ZNF99: variants seen among roughly 807,000 people sequenced by gnomAD.
The protein encoded by ZNF99 is zinc finger protein ENSP00000375192.
In ZNF99, 8 loss-of-function variants were observed where a neutral mutation model predicts 12.8. The observed-to-expected ratio is 0.62, with a 90% CI of 0.37 to 1.13. The LOEUF is 1.13. Ranked by LOEUF, ZNF99 falls within the 50% of genes most tolerant of loss-of-function variation. The probability of loss-of-function intolerance (pLI) is 0.02; values close to 1 mark genes in which losing one functional copy is unlikely to be tolerated. For synonymous variants in ZNF99, 318 were observed against 319.0 expected (o/e 1.00, Z 0.03); for missense variants, 1,007 against 1,006.2 (o/e 1.00, Z -0.01).
intron 3 of ZNF99, among the ~76,000 whole-genome samples, chr19:22,764,756 G>A (rs1282213565): frequency 6.6e-6 from 1 of 152,114 alleles, no homozygotes; most frequent in African/African-American, 2.4e-5. Context: ...AATGGCCAGG[G>A]AAATGCAAAT....
At chr19:22,781,770 A>C (rs1973390364) in intron 1 of ZNF99, among the ~76,000 whole-genome samples, 1 of 152,130 alleles carries the variant, frequency 6.6e-6, no homozygotes, top group African/African-American at 2.4e-5. Flanking sequence ...CCAGGAGCTG[A>C]TATTCACTAG....
At chr19:22,777,108 T>C (rs953786435) in intron 1 of ZNF99, among the ~76,000 whole-genome samples, 73 of 152,264 alleles carry the variant, frequency 4.8e-4, no homozygotes, top group African/African-American at 1.7e-3. Context: ...GCCAAGATCA[T>C]GTCACTGTAC....
intron 3 of ZNF99, among the ~76,000 whole-genome samples, chr19:22,766,136 TTAAGA>T (rs760665603): frequency 2.1e-4 from 32 of 151,638 alleles, no homozygotes; most frequent in Non-Finnish European, 4.3e-4. Context: ...TGATTTAATC[TTAAGA>T]TGTTTTACAT....
At chr19:22,776,054 T>C (rs928768964) in intron 1 of ZNF99, among the ~76,000 whole-genome samples, 15 of 149,416 alleles carry the variant, frequency 1.0e-4, no homozygotes, top group Admixed American at 5.3e-4. Flanking sequence ...AAAAACCTAG[T>C]AGACAAAAGG....
At chr19:22,767,526 T>C (rs1973217863) in intron 3 of ZNF99, among the ~76,000 whole-genome samples, 2 of 152,134 alleles carry the variant, frequency 1.3e-5, no homozygotes, top group Non-Finnish European at 2.9e-5. Context: ...AAGATTGATA[T>C]TATATAATAG....
rs1972988222 is a variant in ZNF99, at chr19:22,752,813, T to A, written c.*4501A>T. The A allele has an allele frequency of 6.6e-6, 1 of 151,846 alleles. No individual in the cohort carries two copies. 9.4% of individuals were successfully genotyped at this position (151,846 alleles called of 1,614,324 possible). A position where few individuals can be genotyped will look rare whatever the true frequency, so the allele number is the denominator to read the frequency against. ...CAACTAATATAATACATCACTAATT[T>A]AATTTTAATTTTAACTAAAATTTTA... On this transcript the variant is annotated 3_prime_UTR_variant, in exon 4 of 4. Transcript: ENST00000596209.
intron 3 of ZNF99, among the ~76,000 whole-genome samples, chr19:22,760,351 T>G (rs1257246805): frequency 1.3e-5 from 2 of 152,180 alleles, no homozygotes; most frequent in Non-Finnish European, 2.9e-5. Context: ...TATAAAACAG[T>G]GGCACATACA....
chr19:22,776,819 C>T (rs753532530), intron 1 of ZNF99, among the ~76,000 whole-genome samples: 24 of 152,132 alleles, frequency 1.6e-4, no homozygotes, highest in Non-Finnish European at 2.9e-4. Context: ...TGGAATCAAC[C>T]GAAATGCCTA....
At chr19:22,783,879 G>A (rs1973418162) in intron 1 of ZNF99, 135 bp downstream of exon 1, 7 of 1,191,690 alleles carry the variant, frequency 5.9e-6, no homozygotes. Context: ...AGGAGACTGA[G>A]GCCGAGCTGG....
At position 22,765,496 on chromosome 19, in the gene ZNF99, TA is replaced by T. The variant is rs200708963; in HGVS notation, c.226+2808del. 4.7e-3 allele frequency among the ~76,000 whole-genome samples: 676 copies of T among 145,110 alleles called. 8 individuals carry two copies. Among genetic ancestry groups the T allele is most frequent in the African/African-American group, 0.016 (632 of 39,404 alleles). On this transcript the variant is annotated intron_variant, in intron 3 of 3. Transcript: ENST00000596209. ...ATAACTTATGAAAAAATAAAATAAA[TA>T]AAAAAAAATAAAGTAGTACACAGGT...
intron 3 of ZNF99, among the ~76,000 whole-genome samples, chr19:22,762,811 G>A (rs1973164701): frequency 6.6e-6 from 1 of 152,134 alleles, no homozygotes; most frequent in Non-Finnish European, 1.5e-5. Context: ...TCATACCAGT[G>A]ATGCAGGGAT....
intron 3 of ZNF99, among the ~76,000 whole-genome samples, chr19:22,763,908 T>C (rs1973177011): frequency 1.5e-5 from 2 of 137,456 alleles, no homozygotes; most frequent in African/African-American, 2.8e-5. Flanking sequence ...TCTTTCCTTT[T>C]TTTTTTTTTT....
intron 3 of ZNF99, among the ~76,000 whole-genome samples, chr19:22,760,132 T>TA (rs1188603754): frequency 1.3e-5 from 2 of 152,126 alleles, no homozygotes; most frequent in Non-Finnish European, 1.5e-5. Context: ...ACTCCATCTC[T>TA]ACTAAAAATT....
At chr19:22,766,437 C>T (rs1407441099) in intron 3 of ZNF99, among the ~76,000 whole-genome samples, 1 of 150,750 alleles carries the variant, frequency 6.6e-6, no homozygotes, top group Non-Finnish European at 1.5e-5. Flanking sequence ...CCTCTGGGTT[C>T]AAGTGATTCT....
At chr19:22,760,153 C>A (rs1973134461) in intron 3 of ZNF99, among the ~76,000 whole-genome samples, 1 of 152,066 alleles carries the variant, frequency 6.6e-6, no homozygotes, top group African/African-American at 2.4e-5. Flanking sequence ...CAAAAATTAG[C>A]CAGGCATGGT....
rs113004157 is a variant in ZNF99, at chr19:22,783,852, C to T, written c.3+162G>A. Among the ~76,000 whole-genome samples, 1,306 of 152,222 alleles carry T rather than the reference C, an allele frequency of 8.6e-3. 19 individuals carry two copies. Among genetic ancestry groups the T allele is most frequent in the African/African-American group, 0.03 (1,242 of 41,550 alleles). ...CCCGGGGTCCCGCAGTCAGCGCAGC[C>T]GCCATCTTATGGCTGAAGGAGACTG... On this transcript the variant is annotated intron_variant, in intron 1 of 3. Coordinates refer to ENST00000596209, the MANE Select transcript of ZNF99 (RefSeq NM_001080409.3).
intron 1 of ZNF99, among the ~76,000 whole-genome samples, chr19:22,778,120 AC>A (rs904196259): frequency 5.3e-5 from 8 of 150,796 alleles, no homozygotes; most frequent in Admixed American, 4.6e-4. Flanking sequence ...TATGTAACAA[AC>A]CTGCATGTTG....
rs139902800 is a variant in ZNF99 at position 22,761,488 on chromosome 19, A to G, written c.227-1806T>C. 4.4e-3 allele frequency among the ~76,000 whole-genome samples: 663 copies of G among 152,336 alleles called. 8 individuals are homozygous for G. Among genetic ancestry groups the G allele is most frequent in the African/African-American group, 0.015 (633 of 41,574 alleles). Reference sequence around the variant, plus strand: ...CTAACACTGAAGCTCCCAAATTTATAAGACAATTACTAGTAGACCTAATAA... The same window carrying G: ...CTAACACTGAAGCTCCCAAATTTATGAGACAATTACTAGTAGACCTAATAA... On this transcript the variant is annotated intron_variant, in intron 3 of 3. Transcript: ENST00000596209.
chr19:22,766,884 CAG>C (rs1265211800), intron 3 of ZNF99, among the ~76,000 whole-genome samples: 1 of 151,790 alleles, frequency 6.6e-6, no homozygotes. Flanking sequence ...CTCCCAACCT[CAG>C]GTGATCCGCC....
Sources: gnomAD v4.1 joint callset for allele counts (sites outside exome capture counted in the v4.1 genomes callset) on GRCh38, gnomAD v4.1.1 for gene constraint, MANE v1.5 for transcripts, NCBI Gene and HGNC (gene_info 2026-07-23, HGNC 2026-07-21) for gene names.